UNC13C: variants seen among roughly 807,000 people sequenced by gnomAD.
The protein encoded by UNC13C is unc-13 homolog C.
Under a neutral mutation model 245.4 loss-of-function variants are expected in UNC13C, and 174 were observed. The ratio of observed to expected loss-of-function variants is 0.71; its 90% CI spans 0.63 to 0.80. The LOEUF (loss-of-function observed/expected upper bound fraction) is 0.80. Among genes scored for constraint, UNC13C ranks in the 30% least tolerant of loss-of-function variants. The probability of loss-of-function intolerance (pLI) is 0.00; values close to 1 mark genes in which losing one functional copy is unlikely to be tolerated. For synonymous variants in UNC13C, 992 were observed against 895.1 expected (o/e 1.11, Z -1.93); for missense variants, 2,829 against 2,602.9 (o/e 1.09, Z -1.89).
intron 2 of UNC13C, among the ~76,000 whole-genome samples, chr15:54,084,065 G>C (rs1411233032): frequency 6.6e-6 from 1 of 152,206 alleles, no homozygotes; most frequent in Non-Finnish European, 1.5e-5. Context: ...AGAGGTGAGG[G>C]GAGCAGAGAG....
At chr15:54,231,661 C>T (rs529343634) in intron 4 of UNC13C, among the ~76,000 whole-genome samples, 2 of 151,890 alleles carry the variant, frequency 1.3e-5, no homozygotes, top group Non-Finnish European at 2.9e-5. Context: ...CTAATAAGCA[C>T]CAAAAAAAAT....
the UNC13C span, among the ~76,000 whole-genome samples, chr15:53,901,788 A>C: frequency 6.6e-6 from 1 of 152,192 alleles, no homozygotes; most frequent in East Asian, 1.9e-4. Flanking sequence ...GTGTATGTTT[A>C]CTGCACCCAA....
chr15:54,597,448 G>T (rs1054896066), intron 30 of UNC13C, among the ~76,000 whole-genome samples: 11 of 152,162 alleles, frequency 7.2e-5, no homozygotes, highest in Non-Finnish European at 1.5e-4. Flanking sequence ...CATGTAAGGG[G>T]TTTATTTTAC....
rs1184092756 is a variant in UNC13C, at chr15:54,020,278, C to CT, written c.2983+4406dup. ...ATATTAATAATTTTTTTCTTTTTTT[C>CT]TTTTTTTTTTTTTTGAGATGAAGTC... On this transcript the variant is annotated intron_variant, in intron 2 of 32. Coordinates refer to ENST00000260323, the MANE Select transcript of UNC13C (RefSeq NM_001080534.3). Among the ~76,000 whole-genome samples the CT allele has an allele frequency of 5.7e-3, 797 of 139,234 alleles. 3 individuals carry two copies. The highest frequency in any genetic ancestry group is 0.015 in the Middle Eastern group (4 of 274). 91.3% of individuals were successfully genotyped at this position (139,234 alleles called of 152,430 possible).
intron 2 of UNC13C, among the ~76,000 whole-genome samples, chr15:54,107,485 T>A (rs1900505551): frequency 6.6e-6 from 1 of 152,170 alleles, no homozygotes; most frequent in South Asian, 2.1e-4. Flanking sequence ...TAGAGTCTAA[T>A]ATAAAGATGA....
intron 32 of UNC13C, among the ~76,000 whole-genome samples, chr15:54,625,586 A>G (rs1196278532): frequency 1.3e-5 from 2 of 152,326 alleles, no homozygotes; most frequent in Admixed American, 1.3e-4. Flanking sequence ...TGGAGAGGTT[A>G]AGAGGCCTAG....
At chr15:54,460,615 G>A (rs1891789260) in intron 19 of UNC13C, among the ~76,000 whole-genome samples, 1 of 152,236 alleles carries the variant, frequency 6.6e-6, no homozygotes, top group Non-Finnish European at 1.5e-5. Flanking sequence ...AAGTACTTGG[G>A]TTTCTCAGGC....
At chr15:54,620,922 G>A (rs2141308798) in intron 30 of UNC13C, among the ~76,000 whole-genome samples, 1 of 152,210 alleles carries the variant, frequency 6.6e-6, no homozygotes, top group African/African-American at 2.4e-5. Context: ...GTTGGGGGGA[G>A]GAAGGAAAGA....
intron 17 of UNC13C, among the ~76,000 whole-genome samples, chr15:54,357,546 G>C (rs907341957): frequency 6.6e-6 from 1 of 151,774 alleles, no homozygotes; most frequent in Non-Finnish European, 1.5e-5. Context: ...CATACTTTTT[G>C]TACACTGATA....
the UNC13C span, among the ~76,000 whole-genome samples, chr15:53,870,945 G>A: frequency 7.2e-5 from 11 of 152,216 alleles, no homozygotes; most frequent in East Asian, 1.2e-3. Flanking sequence ...CTTGACAATA[G>A]TGTTGGAGCC....
the UNC13C span, among the ~76,000 whole-genome samples, chr15:53,879,445 G>A: frequency 6.6e-6 from 1 of 152,176 alleles, no homozygotes; most frequent in Non-Finnish European, 1.5e-5. Context: ...TTATAGGGGT[G>A]AGCTACTATA....
chr15:54,465,810 T>A (rs1892134509), intron 19 of UNC13C, among the ~76,000 whole-genome samples: 1 of 152,030 alleles, frequency 6.6e-6, no homozygotes, highest in Non-Finnish European at 1.5e-5. Flanking sequence ...AGGTTAAGAC[T>A]ACATAAGAAG....
chr15:53,863,247 C>T, the UNC13C span, among the ~76,000 whole-genome samples: 3 of 152,292 alleles, frequency 2.0e-5, no homozygotes, highest in Middle Eastern at 3.4e-3. Flanking sequence ...TGAGACTACT[C>T]CTCTTTGGAC....
chr15:53,897,069 A>G, the UNC13C span, among the ~76,000 whole-genome samples: 1 of 152,172 alleles, frequency 6.6e-6, no homozygotes, highest in Non-Finnish European at 1.5e-5. Flanking sequence ...AAGTAACTGA[A>G]CCCTGCTTTC....
intron 30 of UNC13C, among the ~76,000 whole-genome samples, chr15:54,588,170 C>G (rs1278644098): frequency 1.3e-5 from 2 of 152,200 alleles, no homozygotes; most frequent in East Asian, 1.9e-4. Flanking sequence ...TTCTGCCTCT[C>G]TAGCTTCCCA....
At chr15:53,976,477 C>CTCTTTTTTTTTTTTT (rs1325952003), upstream of UNC13C, among the ~76,000 whole-genome samples, 6 of 63,022 alleles carry the variant, frequency 9.5e-5, no homozygotes, top group Non-Finnish European at 1.4e-4. Context: ...CTCTCTCTCT[C>CTCTTTTTTTTTTTTT]TTTTTTTTTT....
intron 2 of UNC13C, among the ~76,000 whole-genome samples, chr15:54,126,388 T>C (rs1346151395): frequency 1.3e-5 from 2 of 152,220 alleles, no homozygotes; most frequent in African/African-American, 4.8e-5. Flanking sequence ...AGGCACATTA[T>C]ATAATGATAT....
chr15:54,180,815 C>A (rs997112370), intron 4 of UNC13C, among the ~76,000 whole-genome samples: 1 of 151,854 alleles, frequency 6.6e-6, no homozygotes, highest in South Asian at 2.1e-4. Context: ...CTGCTCGTAT[C>A]TTTGGTCCAT....
chr15:53,945,016 G>C, the UNC13C span, among the ~76,000 whole-genome samples: 1 of 152,144 alleles, frequency 6.6e-6, no homozygotes, highest in African/African-American at 2.4e-5. Flanking sequence ...AATGATTGGT[G>C]ATATTGGATT....
Sources: allele counts gnomAD v4.1 joint callset (sites outside exome capture counted in the v4.1 genomes callset), GRCh38; gene constraint gnomAD v4.1.1; transcripts MANE v1.5; gene names NCBI Gene and HGNC (gene_info 2026-07-23, HGNC 2026-07-21).